Variants in ADORA2B observed in about 807,000 individuals in gnomAD.
The protein encoded by ADORA2B is adenosine receptor A2b.
Under a neutral mutation model 20.8 loss-of-function variants are expected in ADORA2B, and 18 were observed. The ratio of observed to expected loss-of-function variants is 0.87; its 90% CI spans 0.60 to 1.29. ADORA2B has a LOEUF of 1.29. ADORA2B is among the 50% of genes most tolerant of loss of function. The probability of loss-of-function intolerance (pLI) is 0.00; values close to 1 mark genes in which losing one functional copy is unlikely to be tolerated. For missense variants in ADORA2B, 441 were observed against 422.7 expected (o/e 1.04, Z -0.38); for synonymous variants, 179 against 178.3 (o/e 1.00, Z -0.03).
At chr17:15,887,951 C>CAAAAAAAAAA in the ADORA2B span, among the ~76,000 whole-genome samples, 5 of 22,230 alleles carry the variant, frequency 2.2e-4, no homozygotes, top group South Asian at 1.4e-3. Context: ...AAGACTCCAT[C>CAAAAAAAAAA]AAAAAAAAAA....
At chr17:15,877,410 A>T in the ADORA2B span, among the ~76,000 whole-genome samples, 2 of 152,152 alleles carry the variant, frequency 1.3e-5, no homozygotes, top group African/African-American at 4.8e-5. Flanking sequence ...TATGGTCTTC[A>T]TAGTAGAGAG....
the ADORA2B span, among the ~76,000 whole-genome samples, chr17:15,900,637 A>G: frequency 2.0e-5 from 3 of 151,856 alleles, no homozygotes; most frequent in East Asian, 5.8e-4. Flanking sequence ...TTTTGTAGTG[A>G]TGCATTCTCA....
Position 15,945,706 on chromosome 17 carries a change from G to C in ADORA2B, c.335+123G>C, listed in dbSNP as rs950352905. Reference sequence around the variant, plus strand: ...GGGCCAGGCTGGGGGCGCGCGGGGCGCTTGGAGGGCTGGTTCCCAGCCTGG... The same window carrying C: ...GGGCCAGGCTGGGGGCGCGCGGGGCCCTTGGAGGGCTGGTTCCCAGCCTGG... On this transcript the variant is annotated intron_variant, in intron 1 of 1. Coordinates refer to ENST00000304222, the MANE Select transcript of ADORA2B (RefSeq NM_000676.4). The C allele has an allele frequency of 6.5e-6, 6 of 929,748 alleles. No individual in the cohort carries two copies. In the African/African-American group the frequency reaches 1.0e-4, roughly 16 times the overall value. 57.6% of individuals were successfully genotyped at this position (929,748 alleles called of 1,614,324 possible). A position where few individuals can be genotyped will look rare whatever the true frequency, so the allele number is the denominator to read the frequency against.
At chr17:15,965,695 A>G (rs780553188) in intron 1 of ADORA2B, among the ~76,000 whole-genome samples, 12 of 152,202 alleles carry the variant, frequency 7.9e-5, no homozygotes, top group Non-Finnish European at 1.6e-4. Context: ...CTGCCGCAGG[A>G]GCCCCTGTGG....
chr17:15,920,154 G>A, the ADORA2B span, among the ~76,000 whole-genome samples: 2 of 152,094 alleles, frequency 1.3e-5, no homozygotes, highest in African/African-American at 2.4e-5. Context: ...TTATAAATGG[G>A]AGCTAAATAA....
chr17:15,916,409 G>T, the ADORA2B span, among the ~76,000 whole-genome samples: 5 of 152,000 alleles, frequency 3.3e-5, no homozygotes, highest in Non-Finnish European at 7.4e-5. Context: ...CAGGAGCTTC[G>T]ACAAGACTCA....
chr17:15,966,075 A>T (rs1199385432), intron 1 of ADORA2B, among the ~76,000 whole-genome samples: 1 of 152,224 alleles, frequency 6.6e-6, no homozygotes, highest in Admixed American at 6.5e-5. Context: ...TCCTGTTAAT[A>T]TGTGGAATAA....
At chr17:15,908,493 C>A in the ADORA2B span, 1 of 157,240 alleles carries the variant, frequency 6.4e-6, no homozygotes, top group South Asian at 2.0e-4. Flanking sequence ...GGGGAAGGGT[C>A]TGTAATGTCC....
chr17:15,920,328 AC>A, the ADORA2B span, among the ~76,000 whole-genome samples: 2 of 152,210 alleles, frequency 1.3e-5, no homozygotes, highest in Non-Finnish European at 2.9e-5. Context: ...TGTTCAGTAT[AC>A]CCATGGAACA....
intron 1 of ADORA2B, among the ~76,000 whole-genome samples, chr17:15,957,624 G>A (rs1462180792): frequency 6.6e-6 from 1 of 152,148 alleles, no homozygotes; most frequent in Non-Finnish European, 1.5e-5. Context: ...TAAGGTGCCT[G>A]CAGGTTGAGA....
At chr17:15,902,057 C>T in the ADORA2B span, among the ~76,000 whole-genome samples, 2 of 152,162 alleles carry the variant, frequency 1.3e-5, no homozygotes, top group African/African-American at 2.4e-5. Flanking sequence ...CCCCTGGCAA[C>T]CACCATTCCA....
chr17:15,897,880 AT>A, the ADORA2B span, among the ~76,000 whole-genome samples: 14 of 152,240 alleles, frequency 9.2e-5, no homozygotes, highest in African/African-American at 3.1e-4. Flanking sequence ...CTATGCCAGT[AT>A]ATTTCTGAAA....
the ADORA2B span, among the ~76,000 whole-genome samples, chr17:15,861,701 C>G: frequency 6.6e-6 from 1 of 152,170 alleles, no homozygotes; most frequent in Non-Finnish European, 1.5e-5. Context: ...ACAGGGTGGT[C>G]CCTAAGAGGT....
At chr17:15,891,738 G>A in the ADORA2B span, among the ~76,000 whole-genome samples, 1 of 151,724 alleles carries the variant, frequency 6.6e-6, no homozygotes, top group Non-Finnish European at 1.5e-5. Flanking sequence ...GTGGAGTGCA[G>A]TGGCGTGATC....
chr17:15,948,705 G>T (rs1969850747), intron 1 of ADORA2B, among the ~76,000 whole-genome samples: 1 of 152,180 alleles, frequency 6.6e-6, no homozygotes, highest in African/African-American at 2.4e-5. Flanking sequence ...ATCCGGGAGG[G>T]TTTAGTTGGC....
the ADORA2B span, among the ~76,000 whole-genome samples, chr17:15,854,082 A>G: frequency 4.6e-5 from 7 of 152,174 alleles, no homozygotes; most frequent in African/African-American, 9.7e-5. Flanking sequence ...CAGCCTCCCA[A>G]GTAGCTGGTA....
the ADORA2B span, among the ~76,000 whole-genome samples, chr17:15,929,497 T>A: frequency 6.6e-6 from 1 of 152,152 alleles, no homozygotes; most frequent in South Asian, 2.1e-4. Context: ...GGCTTTCCTG[T>A]GGAGGTGGCC....
chr17:15,931,023 AG>A, the ADORA2B span, among the ~76,000 whole-genome samples: 1 of 152,140 alleles, frequency 6.6e-6, no homozygotes, highest in Non-Finnish European at 1.5e-5. Context: ...CACACCATAG[AG>A]GTGCAGTGCT....
the ADORA2B span, among the ~76,000 whole-genome samples, chr17:15,919,902 T>A: frequency 6.6e-6 from 1 of 152,186 alleles, no homozygotes; most frequent in Admixed American, 6.5e-5. Context: ...ATTGGGTGAA[T>A]GTGTCTAGAC....
Sources: allele counts gnomAD v4.1 joint callset (sites outside exome capture counted in the v4.1 genomes callset), GRCh38; gene constraint gnomAD v4.1.1; transcripts MANE v1.5; gene names NCBI Gene and HGNC (gene_info 2026-07-23, HGNC 2026-07-21).